PRKCE: variants seen among roughly 807,000 people sequenced by gnomAD.
The protein encoded by PRKCE is protein kinase C epsilon type.
In PRKCE, 16 loss-of-function variants were observed where a neutral mutation model predicts 85.4. That is an observed-to-expected ratio of 0.19 (90% CI 0.13 to 0.28). PRKCE has a LOEUF of 0.28. Among genes scored for constraint, PRKCE ranks in the 10% least tolerant of loss-of-function variants. PRKCE has a pLI of 1.00. For synonymous variants in PRKCE, 388 were observed against 371.5 expected (o/e 1.04, Z -0.51); for missense variants, 573 against 975.2 (o/e 0.59, Z 5.49).
At chr2:45,874,196 A>G (rs1029098274) in intron 2 of PRKCE, among the ~76,000 whole-genome samples, 3 of 152,106 alleles carry the variant, frequency 2.0e-5, no homozygotes, top group African/African-American at 7.2e-5. Flanking sequence ...TCTCTCACAC[A>G]CTCAATCAGA....
At chr2:46,126,536 C>T (rs1264580196) in intron 11 of PRKCE, among the ~76,000 whole-genome samples, 2 of 152,262 alleles carry the variant, frequency 1.3e-5, no homozygotes, top group Non-Finnish European at 2.9e-5. Context: ...ACAGAGGAAA[C>T]AGTTCATGCA....
intron 1 of PRKCE, among the ~76,000 whole-genome samples, chr2:45,794,708 C>T (rs1380627010): frequency 6.6e-6 from 1 of 152,186 alleles, no homozygotes; most frequent in Non-Finnish European, 1.5e-5. Flanking sequence ...TTCCTTTCTT[C>T]CTCTCCCACT....
At chr2:46,076,670 C>T (rs1247042284) in intron 10 of PRKCE, among the ~76,000 whole-genome samples, 2 of 152,024 alleles carry the variant, frequency 1.3e-5, no homozygotes, top group Non-Finnish European at 2.9e-5. Context: ...TACCATTTGG[C>T]CAACTGTGAT....
intron 11 of PRKCE, among the ~76,000 whole-genome samples, chr2:46,100,839 C>T (rs1671142841): frequency 1.3e-5 from 2 of 149,894 alleles, no homozygotes; most frequent in African/African-American, 2.5e-5. Context: ...CTGAATCTTC[C>T]TTCTTTCCTT....
intron 2 of PRKCE, among the ~76,000 whole-genome samples, chr2:45,857,468 G>A (rs1471506479): frequency 6.6e-6 from 1 of 152,220 alleles, no homozygotes; most frequent in East Asian, 1.9e-4. Flanking sequence ...CTAAAGCTTT[G>A]ACGATGTGCC....
chr2:45,837,686 C>T (rs867738267), intron 1 of PRKCE, among the ~76,000 whole-genome samples: 5 of 152,238 alleles, frequency 3.3e-5, no homozygotes, highest in South Asian at 4.1e-4. Flanking sequence ...ATAATGGCCA[C>T]CTATCTTCCT....
At chr2:46,015,691 C>CAAAAAAAAAA (rs749060776) in intron 10 of PRKCE, among the ~76,000 whole-genome samples, 1 of 80,798 alleles carries the variant, frequency 1.2e-5, no homozygotes, top group Non-Finnish European at 2.5e-5. Flanking sequence ...AACACTAAAC[C>CAAAAAAAAAA]AAAAAAAAAA....
intron 10 of PRKCE, among the ~76,000 whole-genome samples, chr2:46,022,647 C>T (rs1706763286): frequency 6.6e-6 from 1 of 152,228 alleles, no homozygotes; most frequent in Admixed American, 6.5e-5. Context: ...GGGTTCCAAA[C>T]TCAAACACAT....
chr2:46,175,347 G>T (rs912392196), intron 14 of PRKCE, among the ~76,000 whole-genome samples: 4 of 152,198 alleles, frequency 2.6e-5, no homozygotes, highest in African/African-American at 9.6e-5. Context: ...AGACCAAATA[G>T]AAAGTTCTCT....
chr2:45,668,968 C>G (rs544072252), intron 1 of PRKCE, among the ~76,000 whole-genome samples: 2 of 152,148 alleles, frequency 1.3e-5, no homozygotes, highest in African/African-American at 4.8e-5. Context: ...CCCCAAGTCC[C>G]TGATCACACT....
chr2:45,712,228 A>C (rs58430953), intron 1 of PRKCE, among the ~76,000 whole-genome samples: 16,254 of 136,082 alleles, frequency 0.12, 1,690 homozygotes, highest in East Asian at 0.29. Flanking sequence ...GCTTACTGCA[A>C]CCTCCACCTC....
chr2:45,948,821 T>C (rs532864963), intron 2 of PRKCE, among the ~76,000 whole-genome samples: 4 of 152,208 alleles, frequency 2.6e-5, no homozygotes, highest in African/African-American at 9.7e-5. Flanking sequence ...TGCCAATATA[T>C]GTTTGTTTTG....
rs187891334 is a variant in PRKCE at position 46,056,883 on chromosome 2, G to A, written c.1438-29325G>A. Among the ~76,000 whole-genome samples, 21 of 152,326 alleles carry A rather than the reference G, an allele frequency of 1.4e-4. No individual in the cohort carries two copies. In the East Asian group the frequency reaches 3.5e-3, roughly 25 times the overall value. On this transcript the variant is annotated intron_variant, in intron 10 of 14. Coordinates refer to ENST00000306156, the MANE Select transcript of PRKCE (RefSeq NM_005400.3). ...AGCACTTCTGCTCTGACTGATAGGGGAAACTTGGACCTGTTTGGATCACTA... is the reference window on the plus strand; with the variant it reads ...AGCACTTCTGCTCTGACTGATAGGGAAAACTTGGACCTGTTTGGATCACTA...
At position 45,905,924 on chromosome 2, in the gene PRKCE, TG is replaced by T. The variant is rs1696937376; in HGVS notation, c.412+62863del. Among the ~76,000 whole-genome samples the T allele has an allele frequency of 6.6e-6, 1 of 152,206 alleles. No individual in the cohort carries two copies. The highest frequency in any genetic ancestry group is 2.1e-4 in the South Asian group (1 of 4,830). ...AGGAAGGATGTGCTTGTGCGGGGTATGGTGTCTGCCCACATGAAGGGCCGGG... is the reference window on the plus strand; with the variant it reads ...AGGAAGGATGTGCTTGTGCGGGGTATGTGTCTGCCCACATGAAGGGCCGGG... On this transcript the variant is annotated intron_variant, in intron 2 of 14. Transcript: ENST00000306156. This position sits in a 1 kb window ranked among gnomAD's most constrained non-coding sequence, Gnocchi z 4.4.
chr2:46,177,311 T>A (rs1430850416), intron 14 of PRKCE, among the ~76,000 whole-genome samples: 1 of 152,214 alleles, frequency 6.6e-6, no homozygotes, highest in African/African-American at 2.4e-5. Flanking sequence ...GATTGGAGTT[T>A]GTATTAGTTG....
intron 1 of PRKCE, among the ~76,000 whole-genome samples, chr2:45,779,256 T>G (rs1423558373): frequency 1.3e-5 from 2 of 152,100 alleles, no homozygotes; most frequent in Non-Finnish European, 2.9e-5. Flanking sequence ...GGCCAACTTG[T>G]AGAGGAGAGG....
chr2:45,652,196 G>T lies in PRKCE; in HGVS notation c.96G>T (p.Arg32=), dbSNP rs1675156473. 1 of 1,613,600 alleles carries T rather than the reference G, an allele frequency of 6.2e-7. No homozygotes were observed. Among genetic ancestry groups the T allele is most frequent in the East Asian group, 2.2e-5 (1 of 44,784 alleles). ...CGCTGCGCCATGCGGTGGGACCCCG[G>T]CCGCAGACTTTCCTTCTCGACCCCT... The part of the protein sequence containing the change: ...AWSLRHAVGP[R]PQTFLLDPYI... Residue 32 remains arginine (R), a synonymous_variant, in exon 1 of 15, where the codon CGG becomes CGT. Coordinates refer to ENST00000306156, the MANE Select transcript of PRKCE (RefSeq NM_005400.3). This position sits in a 1 kb window ranked among gnomAD's most constrained non-coding sequence, Gnocchi z 7.7.
chr2:46,027,390 A>G (rs958288856), intron 10 of PRKCE, among the ~76,000 whole-genome samples: 38 of 152,128 alleles, frequency 2.5e-4, no homozygotes, highest in African/African-American at 8.9e-4. Context: ...GGGAAGTCCA[A>G]ATAGGGACTG....
intron 1 of PRKCE, among the ~76,000 whole-genome samples, chr2:45,755,473 G>A (rs1683927885): frequency 6.6e-6 from 1 of 152,162 alleles, no homozygotes; most frequent in South Asian, 2.1e-4. Context: ...TCATTCTACG[G>A]TGACTGCTAA....
Sources: allele counts gnomAD v4.1 joint callset (sites outside exome capture counted in the v4.1 genomes callset), GRCh38; gene constraint gnomAD v4.1.1; non-coding constraint Gnocchi (gnomAD v3.1); transcripts MANE v1.5; gene names NCBI Gene and HGNC (gene_info 2026-07-23, HGNC 2026-07-21).